GRIK1: variants seen among roughly 807,000 people sequenced by gnomAD.
GRIK1 encodes glutamate receptor ionotropic, kainate 1.
A neutral mutation model predicts 105.7 loss-of-function variants in GRIK1; 69 were observed. The observed-to-expected ratio is 0.65, with a 90% CI of 0.54 to 0.80. GRIK1 has a LOEUF of 0.80. GRIK1 is among the 30% of genes least tolerant of loss of function. The probability of loss-of-function intolerance (pLI) is 0.00; values close to 1 mark genes in which losing one functional copy is unlikely to be tolerated. For synonymous variants in GRIK1, 438 were observed against 431.3 expected, an observed-to-expected ratio of 1.02 and a Z score of -0.19; for missense variants, 1,109 against 1,167.3, an observed-to-expected ratio of 0.95 and a Z score of 0.73.
chr21:29,902,108 A>G (rs900387057), intron 1 of GRIK1, among the ~76,000 whole-genome samples: 1 of 152,246 alleles, frequency 6.6e-6, no homozygotes, highest in African/African-American at 2.4e-5. Context: ...CTTTCATGCT[A>G]AAAACTCTCA....
rs200690175 is a variant in GRIK1, at chr21:29,757,606, AT to A, written c.119-63544del. 6.2e-3 allele frequency among the ~76,000 whole-genome samples: 944 copies of A among 152,284 alleles called. 9 individuals are homozygous for A. Among genetic ancestry groups the A allele is most frequent in the African/African-American group, 0.022 (902 of 41,556 alleles). On this transcript the variant is annotated intron_variant, in intron 1 of 17. Transcript: ENST00000327783. ...AGATTGTCGGCATGAGGATAGCATT[AT>A]TTTTTTAAGTTCTTTCTCAAAGAAG...
At chr21:29,543,781 G>A (rs1337041269) in intron 16 of GRIK1, among the ~76,000 whole-genome samples, 1 of 152,096 alleles carries the variant, frequency 6.6e-6, no homozygotes, top group African/African-American at 2.4e-5. Context: ...AAGTGTGGTC[G>A]CCCATACTAA....
intron 1 of GRIK1, among the ~76,000 whole-genome samples, chr21:29,734,217 A>G (rs530881254): frequency 6.6e-6 from 1 of 152,216 alleles, no homozygotes; most frequent in African/African-American, 2.4e-5. Flanking sequence ...CATCCAGGCT[A>G]CTGGCCTTCC....
intron 16 of GRIK1, chr21:29,553,693 G>C (rs1568802600): frequency 6.4e-7 from 1 of 1,559,788 alleles, no homozygotes; most frequent in African/African-American, 1.4e-5. Flanking sequence ...GTCCATAAAA[G>C]AAACAAAAAG....
intron 1 of GRIK1, among the ~76,000 whole-genome samples, chr21:29,796,283 G>A (rs2066553327): frequency 6.6e-6 from 1 of 152,110 alleles, no homozygotes; most frequent in Non-Finnish European, 1.5e-5. Context: ...GCTGAGTGTG[G>A]TTCTTGGGTC....
At position 29,620,776 on chromosome 21, in the gene GRIK1, TA is replaced by T. The variant is rs1568897143; in HGVS notation, c.1099-21840del. Among the ~76,000 whole-genome samples, 932 of 119,420 alleles carry T rather than the reference TA, an allele frequency of 7.8e-3. 10 individuals carry two copies. Among genetic ancestry groups the T allele is most frequent in the African/African-American group, 0.036 (883 of 24,242 alleles). 78.3% of individuals were successfully genotyped at this position (119,420 alleles called of 152,430 possible). On this transcript the variant is annotated intron_variant, in intron 7 of 17. Coordinates refer to ENST00000327783, the MANE Select transcript of GRIK1 (RefSeq NM_001330994.2). ...ACATAAATGGTATGAAAGTCATATATATATAGATATATATATCTATATATAT... is the reference window on the plus strand; with the variant it reads ...ACATAAATGGTATGAAAGTCATATATTATAGATATATATATCTATATATAT...
intron 1 of GRIK1, among the ~76,000 whole-genome samples, chr21:29,877,339 T>C (rs1041824992): frequency 6.6e-6 from 1 of 152,112 alleles, no homozygotes; most frequent in Non-Finnish European, 1.5e-5. Context: ...CTTTGGAGGA[T>C]TAATGAGGAA....
At chr21:29,938,103 T>A (rs2071835725) in intron 1 of GRIK1, among the ~76,000 whole-genome samples, 1 of 152,166 alleles carries the variant, frequency 6.6e-6, no homozygotes, top group African/African-American at 2.4e-5. Flanking sequence ...AAATAAAACC[T>A]AGTATGTTCT....
At chr21:29,722,752 C>A (rs1424521331) in intron 1 of GRIK1, among the ~76,000 whole-genome samples, 2 of 152,002 alleles carry the variant, frequency 1.3e-5, no homozygotes, top group African/African-American at 4.8e-5. Flanking sequence ...ATTTCCTATC[C>A]ATTTCCCACA....
At chr21:29,569,577 A>G (rs2090692009) in intron 14 of GRIK1, among the ~76,000 whole-genome samples, 1 of 152,228 alleles carries the variant, frequency 6.6e-6, no homozygotes, top group South Asian at 2.1e-4. Flanking sequence ...ACTAGCTGGT[A>G]TTCCCATTCT....
At chr21:29,607,448 G>C (rs1467672680) in intron 7 of GRIK1, among the ~76,000 whole-genome samples, 2 of 148,838 alleles carry the variant, frequency 1.3e-5, no homozygotes, top group Admixed American at 1.3e-4. Flanking sequence ...ATAAAACCTT[G>C]TGAAATAAGG....
intron 7 of GRIK1, among the ~76,000 whole-genome samples, chr21:29,614,402 CTTTTTTTTTT>C (rs35063316): frequency 0.038 from 3,117 of 83,092 alleles, 137 homozygotes; most frequent in African/African-American, 0.14. Flanking sequence ...TAAAATCCCT[CTTTTTTTTTT>C]TTTTTTTTTT....
intron 1 of GRIK1, among the ~76,000 whole-genome samples, chr21:29,888,910 TC>T (rs147932715): frequency 0.15 from 23,551 of 152,206 alleles, 1,861 homozygotes; most frequent in Non-Finnish European, 0.18. Context: ...TGGAAAGGTT[TC>T]CCTTTTTATA....
intron 1 of GRIK1, among the ~76,000 whole-genome samples, chr21:29,878,890 G>T (rs755244311): frequency 6.6e-6 from 1 of 152,052 alleles, no homozygotes; most frequent in African/African-American, 2.4e-5. Context: ...CCTTTGTCAT[G>T]GGCCCTCACC....
intron 4 of GRIK1, among the ~76,000 whole-genome samples, chr21:29,656,970 G>A (rs2062866830): frequency 6.6e-6 from 1 of 152,164 alleles, no homozygotes; most frequent in Non-Finnish European, 1.5e-5. Context: ...CACACTAAAG[G>A]ATGTTTTTTT....
intron 15 of GRIK1, among the ~76,000 whole-genome samples, chr21:29,560,280 TTTCTTTC>T (rs1434623947): frequency 3.4e-5 from 1 of 29,432 alleles, no homozygotes; most frequent in Non-Finnish European, 6.7e-5. Flanking sequence ...ATGATACAGT[TTTCTTTC>T]TTTCTTTCTT....
At chr21:29,602,886 C>A (rs1342883455) in intron 7 of GRIK1, among the ~76,000 whole-genome samples, 1 of 152,048 alleles carries the variant, frequency 6.6e-6, no homozygotes, top group Non-Finnish European at 1.5e-5. Context: ...CATTTGATAT[C>A]TCTTTTATAA....
rs139110705 is a variant in GRIK1, at chr21:29,561,640, T to A, written c.2340A>T (p.Gly780=). 10 of 1,610,372 alleles carry A rather than the reference T, an allele frequency of 6.2e-6. No homozygotes were observed. Among genetic ancestry groups the A allele is most frequent in the Non-Finnish European group, 8.5e-6 (10 of 1,176,568 alleles). ...IGGLIDSKGY[G]VGTPIGSPYR... Reference sequence around the variant, plus strand: ...CCGTCTTACCAATAGGTGTTCCCACTCCGTAACCTTTGGAGTCAATGAGGC... The same window carrying A: ...CCGTCTTACCAATAGGTGTTCCCACACCGTAACCTTTGGAGTCAATGAGGC... Residue 780 remains glycine, a synonymous_variant, in exon 15 of 18, where the codon GGA becomes GGT. Coordinates refer to ENST00000327783, the MANE Select transcript of GRIK1 (RefSeq NM_001330994.2).
At chr21:29,802,899 G>A (rs776473975) in intron 1 of GRIK1, among the ~76,000 whole-genome samples, 5 of 152,148 alleles carry the variant, frequency 3.3e-5, no homozygotes, top group Non-Finnish European at 7.4e-5. Context: ...TGTTCCTTGA[G>A]GGAGGCACTA....
Sources: gnomAD v4.1 joint callset for allele counts (sites outside exome capture counted in the v4.1 genomes callset) on GRCh38, gnomAD v4.1.1 for gene constraint, MANE v1.5 for transcripts, NCBI Gene and HGNC (gene_info 2026-07-23, HGNC 2026-07-21) for gene names.